Variants in AK8 observed in about 807,000 individuals in gnomAD.
The protein encoded by AK8 is ATP-AMP transphosphorylase 8.
In AK8, 44 loss-of-function variants were observed where a neutral mutation model predicts 54.6. The ratio of observed to expected loss-of-function variants is 0.81; its 90% CI spans 0.63 to 1.04. The LOEUF (loss-of-function observed/expected upper bound fraction) is 1.04. Among genes scored for constraint, AK8 ranks in the 50% least tolerant of loss-of-function variants. The pLI is 0.00. For synonymous variants in AK8, 239 were observed against 245.6 expected, an observed-to-expected ratio of 0.97 and a Z score of 0.25; for missense variants, 555 against 613.6, an observed-to-expected ratio of 0.90 and a Z score of 1.01.
intron 3 of AK8, 62 bp downstream of exon 3, chr9:132,866,842 T>G: frequency 6.6e-7 from 1 of 1,519,904 alleles, no homozygotes; most frequent in Non-Finnish European, 9.1e-7. Flanking sequence ...TGCAGTCTCA[T>G]TCCAGCTCTG....
chr9:132,839,932 C>T (rs1842472696), intron 5 of AK8, among the ~76,000 whole-genome samples: 1 of 151,708 alleles, frequency 6.6e-6, no homozygotes, highest in Non-Finnish European at 1.5e-5. Flanking sequence ...ATTCTCTTGC[C>T]TCAGCCTCCT....
At chr9:132,764,488 A>C (rs1371191076) in intron 11 of AK8, among the ~76,000 whole-genome samples, 1 of 152,240 alleles carries the variant, frequency 6.6e-6, no homozygotes, top group Non-Finnish European at 1.5e-5. Flanking sequence ...GACACATTAC[A>C]ACTGGTACCA....
intron 11 of AK8, among the ~76,000 whole-genome samples, chr9:132,780,341 C>A (rs912363360): frequency 4.6e-5 from 7 of 152,316 alleles, no homozygotes; most frequent in East Asian, 1.9e-4. Flanking sequence ...GCGCTGAGTG[C>A]GGAAGTGACA....
intron 11 of AK8, among the ~76,000 whole-genome samples, chr9:132,755,424 C>A (rs576785314): frequency 6.6e-6 from 1 of 152,134 alleles, no homozygotes; most frequent in African/African-American, 2.4e-5. Flanking sequence ...TCAAAGAATG[C>A]GCTCACTGTG....
chr9:132,822,984 T>A (rs1841710516), intron 9 of AK8, among the ~76,000 whole-genome samples: 1 of 152,084 alleles, frequency 6.6e-6, no homozygotes, highest in Non-Finnish European at 1.5e-5. Context: ...TGTGGACATG[T>A]TTTTAGTGGT....
At chr9:132,726,392 A>G (rs1836576611) in intron 12 of AK8, among the ~76,000 whole-genome samples, 1 of 150,388 alleles carries the variant, frequency 6.6e-6, no homozygotes, top group Admixed American at 6.7e-5. Context: ...TTCGCTCACC[A>G]CAACCTCTGC....
At chr9:132,735,010 G>A (rs1056296833) in intron 11 of AK8, among the ~76,000 whole-genome samples, 6 of 152,132 alleles carry the variant, frequency 3.9e-5, no homozygotes, top group South Asian at 2.1e-4. Context: ...CAGCCTGGGC[G>A]ACAAAGCAAG....
intron 5 of AK8, among the ~76,000 whole-genome samples, chr9:132,829,283 C>A (rs988675564): frequency 6.6e-6 from 1 of 151,894 alleles, no homozygotes; most frequent in Admixed American, 6.6e-5. Flanking sequence ...TTCTACCACA[C>A]AATAGCGACC....
chr9:132,765,184 T>G (rs1296145424), intron 11 of AK8, among the ~76,000 whole-genome samples: 1 of 147,034 alleles, frequency 6.8e-6, no homozygotes, highest in Admixed American at 7.1e-5. Context: ...TCCCAGCTAC[T>G]CGGGAGGCTG....
intron 11 of AK8, among the ~76,000 whole-genome samples, chr9:132,735,911 G>A (rs1837081144): frequency 6.6e-6 from 1 of 152,208 alleles, no homozygotes; most frequent in Non-Finnish European, 1.5e-5. Context: ...GTTGTTTTGT[G>A]AACACCATGG....
rs1166428826 is a variant in AK8 at position 132,790,525 on chromosome 9, C to T, written c.1121+2109G>A. The stretch of plus-strand genomic sequence containing the variant: ...TCGGCCTCCCAAAGTGCTGGGATTA[C>T]AGGCGTGAGCCACTGTGCCCGGCCA... On this transcript the variant is annotated intron_variant, in intron 11 of 12. Coordinates refer to ENST00000298545, the MANE Select transcript of AK8 (RefSeq NM_152572.3). The surrounding 1 kb of genome is among the most constrained non-coding windows in gnomAD (Gnocchi z 4.1). Among the ~76,000 whole-genome samples the T allele has an allele frequency of 6.6e-6, 1 of 152,192 alleles. No homozygotes were observed. Among genetic ancestry groups the T allele is most frequent in the Non-Finnish European group, 1.5e-5 (1 of 68,036 alleles).
At chr9:132,749,702 G>GTT (rs200136811) in intron 11 of AK8, among the ~76,000 whole-genome samples, 27 of 145,262 alleles carry the variant, frequency 1.9e-4, no homozygotes, top group East Asian at 1.0e-3. Flanking sequence ...CATTTACTCT[G>GTT]TTTTTTTTTT....
intron 3 of AK8, among the ~76,000 whole-genome samples, chr9:132,865,096 A>G (rs1187280901): frequency 6.6e-6 from 1 of 152,162 alleles, no homozygotes; most frequent in East Asian, 1.9e-4. Context: ...GCACCCTGGA[A>G]ATGCTAATGA....
intron 5 of AK8, among the ~76,000 whole-genome samples, chr9:132,831,439 T>TACAC (rs142360627): frequency 6.6e-6 from 1 of 151,740 alleles, no homozygotes; most frequent in Non-Finnish European, 1.5e-5. Context: ...AGTCTAGAGT[T>TACAC]ACACACACAC....
chr9:132,756,207 A>T (rs1205867110), intron 11 of AK8, among the ~76,000 whole-genome samples: 1 of 152,204 alleles, frequency 6.6e-6, no homozygotes, highest in Non-Finnish European at 1.5e-5. Context: ...TTCCTCTCAC[A>T]GGAAGTACAA....
At chr9:132,865,377 A>G (rs772147942) in intron 3 of AK8, among the ~76,000 whole-genome samples, 5 of 152,160 alleles carry the variant, frequency 3.3e-5, no homozygotes, top group Non-Finnish European at 7.4e-5. Context: ...AAACCGGGGA[A>G]CAGCCTGCCC....
chr9:132,772,263 G>C (rs768629422), intron 11 of AK8, among the ~76,000 whole-genome samples: 65 of 152,348 alleles, frequency 4.3e-4, no homozygotes, highest in Non-Finnish European at 8.4e-4. Flanking sequence ...CAGACTCATA[G>C]CCCGCTGCAG....
intron 5 of AK8, among the ~76,000 whole-genome samples, chr9:132,841,097 C>A (rs991326009): frequency 7.2e-5 from 11 of 152,342 alleles, no homozygotes; most frequent in Middle Eastern, 3.4e-3. Flanking sequence ...GACAGTGAGA[C>A]AGCTGTTACT....
chr9:132,726,697 G>A (rs1836592038), intron 12 of AK8, among the ~76,000 whole-genome samples: 1 of 152,208 alleles, frequency 6.6e-6, no homozygotes, highest in African/African-American at 2.4e-5. Context: ...ACAGTCAGAT[G>A]AGGGAGTGGG....
Sources: gnomAD v4.1 joint callset for allele counts (sites outside exome capture counted in the v4.1 genomes callset) on GRCh38, gnomAD v4.1.1 for gene constraint, Gnocchi (gnomAD v3.1) non-coding constraint, MANE v1.5 for transcripts, NCBI Gene and HGNC (gene_info 2026-07-23, HGNC 2026-07-21) for gene names.